The following OR2L13 variants were observed in gnomAD, a reference collection of about 807,000 sequenced individuals.
OR2L13 encodes olfactory receptor family 2 subfamily L member 13.
Under a neutral mutation model 15.3 loss-of-function variants are expected in OR2L13, and 14 were observed. The observed-to-expected ratio is 0.91, with a 90% CI of 0.60 to 1.43. The LOEUF (loss-of-function observed/expected upper bound fraction) is 1.43, where lower values mean the gene tolerates loss of function less well. OR2L13 is among the 40% of genes most tolerant of loss of function. OR2L13 has a pLI of 0.00. For synonymous variants in OR2L13, 152 were observed against 142.9 expected, an observed-to-expected ratio of 1.06 and a Z score of -0.45; for missense variants, 367 against 387.9, an observed-to-expected ratio of 0.95 and a Z score of 0.45.
chr1:248,027,609 C>T, the OR2L13 span, among the ~76,000 whole-genome samples: 2 of 152,076 alleles, frequency 1.3e-5, no homozygotes, highest in Non-Finnish European at 2.9e-5. Flanking sequence ...CTCAGACCAG[C>T]GGACACTTAG....
chr1:247,954,148 G>A, the OR2L13 span, among the ~76,000 whole-genome samples: 1 of 152,120 alleles, frequency 6.6e-6, no homozygotes, highest in Admixed American at 6.6e-5. Flanking sequence ...GAGATAAAGC[G>A]GGTGAGGTGG....
chr1:248,012,395 C>A, the OR2L13 span, among the ~76,000 whole-genome samples: 3 of 152,104 alleles, frequency 2.0e-5, no homozygotes, highest in Non-Finnish European at 4.4e-5. Flanking sequence ...TCATATCCCC[C>A]ACATGTGTTT....
chr1:247,982,100 C>T, the OR2L13 span, among the ~76,000 whole-genome samples: 5 of 152,178 alleles, frequency 3.3e-5, no homozygotes, highest in Non-Finnish European at 7.4e-5. Flanking sequence ...CAAGCGTGAG[C>T]CACCGCGCCT....
chr1:248,100,543 T>C (rs979091604), exon 3 of OR2L13: 1 of 240,284 alleles, frequency 4.2e-6, no homozygotes, highest in Non-Finnish European at 8.6e-6. Context: ...ATAAATTATA[T>C]GCAATATATT....
At chr1:248,060,040 CAAA>C in the OR2L13 span, among the ~76,000 whole-genome samples, 1 of 129,050 alleles carries the variant, frequency 7.7e-6, no homozygotes, top group Admixed American at 8.3e-5. Flanking sequence ...CCCTGTCACT[CAAA>C]AAAAAAAAAA....
At chr1:248,096,053 T>G (rs1460837434), upstream of OR2L13, among the ~76,000 whole-genome samples, 1 of 152,050 alleles carries the variant, frequency 6.6e-6, no homozygotes, top group East Asian at 1.9e-4. Context: ...AACTCTCTGC[T>G]GCACAGGGAA....
At chr1:248,077,304 T>G in the OR2L13 span, among the ~76,000 whole-genome samples, 3 of 152,156 alleles carry the variant, frequency 2.0e-5, no homozygotes, top group Non-Finnish European at 4.4e-5. Context: ...TAAAATTCTC[T>G]TTTTTTGTTG....
the OR2L13 span, among the ~76,000 whole-genome samples, chr1:248,015,200 T>C: frequency 6.6e-6 from 1 of 152,178 alleles, no homozygotes; most frequent in Non-Finnish European, 1.5e-5. Context: ...AAATACATAT[T>C]GTGTAAATAT....
At chr1:248,055,946 G>A in the OR2L13 span, 1 of 152,120 alleles carries the variant, frequency 6.6e-6, no homozygotes, top group African/African-American at 2.4e-5. Context: ...CTCAATTTCA[G>A]AACTTGTTAT....
the OR2L13 span, chr1:247,990,188 AT>A: frequency 1.5e-5 from 9 of 586,926 alleles, no homozygotes; most frequent in East Asian, 2.4e-4. Flanking sequence ...CTTGAAATGC[AT>A]CCCCTGCAGA....
At chr1:248,024,258 A>T in the OR2L13 span, 1 of 152,064 alleles carries the variant, frequency 6.6e-6, no homozygotes, top group South Asian at 2.1e-4. Flanking sequence ...CAATGTAGAA[A>T]ATTTTATATC....
chr1:248,077,988 C>T, the OR2L13 span, among the ~76,000 whole-genome samples: 1 of 152,066 alleles, frequency 6.6e-6, no homozygotes, highest in Non-Finnish European at 1.5e-5. Context: ...CATTAAGAGG[C>T]ATCTTATCAA....
chr1:248,003,683 A>T, the OR2L13 span: 1 of 1,612,534 alleles, frequency 6.2e-7, no homozygotes, highest in Admixed American at 1.7e-5. Context: ...AGCAATGGTG[A>T]CTCTGGCCTG....
the OR2L13 span, among the ~76,000 whole-genome samples, chr1:247,987,227 C>A: frequency 6.6e-6 from 1 of 152,118 alleles, no homozygotes; most frequent in African/African-American, 2.4e-5. Flanking sequence ...TTGCATGCTG[C>A]AATTTTGCTT....
the OR2L13 span, among the ~76,000 whole-genome samples, chr1:248,085,304 CT>C: frequency 6.6e-6 from 1 of 151,520 alleles, no homozygotes; most frequent in Non-Finnish European, 1.5e-5. Context: ...AAAAGTCCAT[CT>C]CAAAAAATCA....
At chr1:248,048,713 C>T in the OR2L13 span, among the ~76,000 whole-genome samples, 4 of 152,220 alleles carry the variant, frequency 2.6e-5, no homozygotes, top group Admixed American at 2.6e-4. Flanking sequence ...TAACGGAGAT[C>T]AGTTTCTGGA....
the OR2L13 span, among the ~76,000 whole-genome samples, chr1:248,071,244 C>T: frequency 0.053 from 8,020 of 151,744 alleles, 705 homozygotes; most frequent in African/African-American, 0.18. Context: ...ACTGGCAAAC[C>T]GAATCCAGCA....
At chr1:248,066,446 A>G in the OR2L13 span, among the ~76,000 whole-genome samples, 1 of 152,162 alleles carries the variant, frequency 6.6e-6, no homozygotes, top group South Asian at 2.1e-4. Context: ...TGCCTTTAAA[A>G]TCTGGAGAAA....
At chr1:248,023,065 G>T in the OR2L13 span, 3 of 556,322 alleles carry the variant, frequency 5.4e-6, no homozygotes, top group African/African-American at 1.9e-5. Flanking sequence ...TTTTGTTTCT[G>T]TTTGTGTTTC....
Sources: gnomAD v4.1 joint callset for allele counts (sites outside exome capture counted in the v4.1 genomes callset) on GRCh38, gnomAD v4.1.1 for gene constraint, MANE v1.5 for transcripts, NCBI Gene and HGNC (gene_info 2026-07-23, HGNC 2026-07-21) for gene names.